The following MYO3B variants were observed in gnomAD, a reference collection of about 807,000 sequenced individuals.
MYO3B encodes the protein myosin IIIB.
In MYO3B, 156 loss-of-function variants were observed where a neutral mutation model predicts 174.6. The observed-to-expected ratio is 0.89, with a 90% confidence interval of 0.78 to 1.02. The LOEUF is 1.02. MYO3B is among the 50% of genes least tolerant of loss of function. The pLI, the probability that MYO3B is intolerant of heterozygous loss-of-function variation, is 0.00. For missense variants in MYO3B, 1,632 were observed against 1,639.4 expected, an observed-to-expected ratio of 1.00 and a Z score of 0.08; for synonymous variants, 563 against 569.1, an observed-to-expected ratio of 0.99 and a Z score of 0.15.
intron 32 of MYO3B, among the ~76,000 whole-genome samples, chr2:170,608,123 A>G (rs1361969502): frequency 6.6e-6 from 1 of 152,194 alleles, no homozygotes; most frequent in Non-Finnish European, 1.5e-5. Context: ...GATGTAAAGA[A>G]TAGTTACAGG....
chr2:170,507,548 C>T (rs1161097081), intron 28 of MYO3B, among the ~76,000 whole-genome samples: 1 of 152,006 alleles, frequency 6.6e-6, no homozygotes, highest in Non-Finnish European at 1.5e-5. Context: ...TACAGACATG[C>T]ACCACCACAC....
At chr2:170,310,577 T>A (rs1012069105) in intron 7 of MYO3B, among the ~76,000 whole-genome samples, 1 of 147,010 alleles carries the variant, frequency 6.8e-6, no homozygotes, top group Non-Finnish European at 1.5e-5. Flanking sequence ...GGCAGGAGAA[T>A]CTCGCTTGAA....
intron 23 of MYO3B, among the ~76,000 whole-genome samples, chr2:170,457,386 A>G (rs569620818): frequency 2.3e-4 from 35 of 152,176 alleles, no homozygotes; most frequent in African/African-American, 7.0e-4. Context: ...TTTTTTTGTA[A>G]TAACACTTAG....
chr2:170,256,022 G>A (rs1443317862), intron 7 of MYO3B, among the ~76,000 whole-genome samples: 1 of 152,180 alleles, frequency 6.6e-6, no homozygotes, highest in African/African-American at 2.4e-5. Context: ...CAACAGATTA[G>A]ACCAAGCTGA....
At chr2:170,618,374 C>T (rs1695603906) in intron 32 of MYO3B, among the ~76,000 whole-genome samples, 1 of 152,132 alleles carries the variant, frequency 6.6e-6, no homozygotes, top group Admixed American at 6.5e-5. Flanking sequence ...TTGAGCCAGA[C>T]CTGGATCGCT....
chr2:170,459,666 C>T (rs566435320), intron 23 of MYO3B, among the ~76,000 whole-genome samples: 87 of 152,306 alleles, frequency 5.7e-4, no homozygotes, highest in African/African-American at 2.1e-3. Context: ...GGACCGGGCG[C>T]CATGGAGCAG....
chr2:170,372,506 A>G (rs13002680), intron 9 of MYO3B, among the ~76,000 whole-genome samples: 45,291 of 152,096 alleles, frequency 0.3, 8,125 homozygotes, highest in Non-Finnish European at 0.4. Context: ...CTCTTATTCA[A>G]TATCTAATTT....
At chr2:170,511,358 G>A (rs562606190) in intron 28 of MYO3B, among the ~76,000 whole-genome samples, 4 of 151,946 alleles carry the variant, frequency 2.6e-5, no homozygotes, top group Middle Eastern at 3.4e-3. Context: ...GAGCCACCGC[G>A]CCCAGCCTTA....
chr2:170,578,994 T>C (rs548703022), intron 32 of MYO3B, among the ~76,000 whole-genome samples: 1 of 152,342 alleles, frequency 6.6e-6, no homozygotes, highest in African/African-American at 2.4e-5. Context: ...CTGGGTAAAC[T>C]CAAAGTGATG....
chr2:170,632,134 T>G (rs1020710133), intron 32 of MYO3B, among the ~76,000 whole-genome samples: 2 of 152,192 alleles, frequency 1.3e-5, no homozygotes, highest in Admixed American at 1.3e-4. Context: ...CAAGCAGACC[T>G]AATAGACATC....
Position 170,200,262 on chromosome 2 carries a change from G to C in MYO3B, c.299G>C (p.Gly100Ala). ...MFYKADHCVGGQLWLVLELCN... is the reference protein window; with the variant it reads ...MFYKADHCVGAQLWLVLELCN... Reference sequence around the variant, plus strand: ...TACAAAGCGGATCACTGTGTAGGGGGACAGCTGTGGCTGGTCCTGGAGGTA... The same window carrying C: ...TACAAAGCGGATCACTGTGTAGGGGCACAGCTGTGGCTGGTCCTGGAGGTA... The change falls in exon 3 of 35, where the codon GGA becomes GCA. Residue 100 changes from glycine (G) to alanine (A), a missense_variant. Coordinates refer to ENST00000408978, the MANE Select transcript of MYO3B (RefSeq NM_138995.5). 1 of 1,612,420 alleles carries C rather than the reference G, an allele frequency of 6.2e-7. No individual in the cohort carries two copies. The highest frequency in any genetic ancestry group is 8.5e-7 in the Non-Finnish European group (1 of 1,179,206).
At chr2:170,310,581 G>T (rs1397099625) in intron 7 of MYO3B, among the ~76,000 whole-genome samples, 1 of 136,946 alleles carries the variant, frequency 7.3e-6, no homozygotes, top group African/African-American at 2.6e-5. Context: ...GGAGAATCTC[G>T]CTTGAACCTG....
chr2:170,354,617 C>T (rs1306847029), intron 8 of MYO3B, among the ~76,000 whole-genome samples: 9 of 152,190 alleles, frequency 5.9e-5, no homozygotes, highest in Non-Finnish European at 1.0e-4. Flanking sequence ...CTGTCTCCCC[C>T]TCCCCCTTCT....
chr2:170,612,800 T>C (rs941532361), intron 32 of MYO3B, among the ~76,000 whole-genome samples: 3 of 152,188 alleles, frequency 2.0e-5, no homozygotes, highest in African/African-American at 7.2e-5. Flanking sequence ...TTAAATTCCC[T>C]AATACTTCAG....
intron 32 of MYO3B, among the ~76,000 whole-genome samples, chr2:170,649,058 AATAT>A (rs1405762676): frequency 4.3e-5 from 3 of 70,164 alleles, no homozygotes; most frequent in African/African-American, 6.5e-5. Context: ...TATATAAAAT[AATAT>A]ATAATGTATA....
At chr2:170,215,229 C>A (rs1244980037) in intron 5 of MYO3B, among the ~76,000 whole-genome samples, 1 of 152,144 alleles carries the variant, frequency 6.6e-6, no homozygotes, top group Admixed American at 6.5e-5. Context: ...CATACTTATT[C>A]CCAGGGAGCA....
chr2:170,370,305 TA>T (rs2094231184), intron 9 of MYO3B, among the ~76,000 whole-genome samples: 3 of 152,226 alleles, frequency 2.0e-5, no homozygotes, highest in Admixed American at 2.0e-4. Flanking sequence ...AACTGTTTAC[TA>T]ATCAAAAAGC....
intron 23 of MYO3B, among the ~76,000 whole-genome samples, chr2:170,446,889 GGTCAGTT>G (rs928059255): frequency 1.3e-5 from 2 of 152,084 alleles, no homozygotes; most frequent in Non-Finnish European, 2.9e-5. Flanking sequence ...GTATTTTTGT[GGTCAGTT>G]GTACAGAATT....
At chr2:170,306,071 T>C (rs1297524403) in intron 7 of MYO3B, among the ~76,000 whole-genome samples, 5 of 152,216 alleles carry the variant, frequency 3.3e-5, no homozygotes, top group Non-Finnish European at 7.3e-5. Context: ...GTTTCACTCA[T>C]ATGCCTGGGT....
Sources: gnomAD v4.1 joint callset for allele counts (sites outside exome capture counted in the v4.1 genomes callset) on GRCh38, gnomAD v4.1.1 for gene constraint, MANE v1.5 for transcripts, NCBI Gene and HGNC (gene_info 2026-07-23, HGNC 2026-07-21) for gene names.